GPC5: variants seen among roughly 807,000 people sequenced by gnomAD.
GPC5 encodes glypican 5, also known as glypican-5.
Under a neutral mutation model 53.9 loss-of-function variants are expected in GPC5, and 47 were observed. That is an observed-to-expected ratio of 0.87 (90% confidence interval 0.69 to 1.11). The LOEUF is 1.11. GPC5 is among the 50% of genes most tolerant of loss of function. The pLI is 0.00. For missense variants in GPC5, 748 were observed against 713.1 expected (o/e 1.05, Z -0.56); for synonymous variants, 286 against 263.3 (o/e 1.09, Z -0.84).
chr13:92,628,076 C>T (rs536966793), intron 7 of GPC5, among the ~76,000 whole-genome samples: 1 of 151,994 alleles, frequency 6.6e-6, no homozygotes, highest in African/African-American at 2.4e-5. Context: ...AAATTCATTC[C>T]ACACACCCAA....
intron 5 of GPC5, among the ~76,000 whole-genome samples, chr13:91,906,037 C>T (rs368524967): frequency 1.1e-4 from 17 of 151,966 alleles, no homozygotes; most frequent in Non-Finnish European, 2.5e-4. Flanking sequence ...CCCTCACCCC[C>T]CCTGCCAACG....
intron 7 of GPC5, among the ~76,000 whole-genome samples, chr13:92,458,814 T>C (rs1280498418): frequency 6.6e-6 from 1 of 152,110 alleles, no homozygotes; most frequent in South Asian, 2.1e-4. Context: ...TTCTTTATCA[T>C]CCTTATTACG....
At chr13:92,787,206 T>C (rs1264514493) in intron 7 of GPC5, among the ~76,000 whole-genome samples, 1 of 151,952 alleles carries the variant, frequency 6.6e-6, no homozygotes, top group African/African-American at 2.4e-5. Context: ...AACTGTAGGG[T>C]TGGGAAGATA....
chr13:92,571,239 C>T (rs563587056), intron 7 of GPC5, among the ~76,000 whole-genome samples: 2 of 152,138 alleles, frequency 1.3e-5, no homozygotes, highest in African/African-American at 2.4e-5. Context: ...ATTGTTGCCA[C>T]ATATATGGTT....
intron 7 of GPC5, among the ~76,000 whole-genome samples, chr13:92,760,869 G>A (rs1371795561): frequency 6.6e-6 from 1 of 151,958 alleles, no homozygotes; most frequent in Non-Finnish European, 1.5e-5. Context: ...TTTGTTTCAA[G>A]ATATATTTTA....
chr13:91,974,453 C>A (rs1038000107), intron 6 of GPC5, among the ~76,000 whole-genome samples: 1 of 151,882 alleles, frequency 6.6e-6, no homozygotes, highest in Admixed American at 6.6e-5. Flanking sequence ...ACAAAAATCA[C>A]AAGCATTCTT....
intron 2 of GPC5, among the ~76,000 whole-genome samples, chr13:91,659,309 G>A (rs188944948): frequency 3.9e-5 from 6 of 152,306 alleles, no homozygotes; most frequent in African/African-American, 7.2e-5. Context: ...GGGCAGTAGC[G>A]AAGTGCCCTT....
intron 7 of GPC5, among the ~76,000 whole-genome samples, chr13:92,559,330 ATGTGTG>A (rs5805755): frequency 0.021 from 3,073 of 143,026 alleles, 69 homozygotes; most frequent in African/African-American, 0.061. Flanking sequence ...TAGTGTGTAT[ATGTGTG>A]TGTGTGTGTG....
chr13:92,587,335 G>A (rs1456957901), intron 7 of GPC5, among the ~76,000 whole-genome samples: 1 of 152,038 alleles, frequency 6.6e-6, no homozygotes, highest in Admixed American at 6.6e-5. Flanking sequence ...CAAAGCTCTG[G>A]AGGTACATGG....
intron 7 of GPC5, among the ~76,000 whole-genome samples, chr13:92,259,894 G>A (rs1166925047): frequency 6.6e-6 from 1 of 152,092 alleles, no homozygotes; most frequent in Non-Finnish European, 1.5e-5. Context: ...GCCCATTTGG[G>A]AAGAGTCCAG....
chr13:92,261,247 T>C (rs1362056259), intron 7 of GPC5, among the ~76,000 whole-genome samples: 2 of 152,286 alleles, frequency 1.3e-5, no homozygotes, highest in Non-Finnish European at 2.9e-5. Context: ...TTTCAGTCTT[T>C]GTCAATTTTG....
At position 92,166,956 on chromosome 13, in the gene GPC5, T is replaced by TCA. The variant is rs199854897; in HGVS notation, c.1561+22006_1561+22007dup. ...CTCTCTCTCTCTCTCTCTCTCTCTCTCACACACACACACACACACACACAC... is the reference window on the plus strand; with the variant it reads ...CTCTCTCTCTCTCTCTCTCTCTCTCTCACACACACACACACACACACACACAC... On this transcript the variant is annotated intron_variant, in intron 7 of 7. Transcript: ENST00000377067. 1.9e-3 allele frequency among the ~76,000 whole-genome samples: 161 copies of TCA among 84,796 alleles called. 1 individual carries two copies. The highest frequency in any genetic ancestry group is 0.014 in the East Asian group (21 of 1,494). 55.6% of individuals were successfully genotyped at this position (84,796 alleles called of 152,430 possible).
At chr13:91,709,973 A>C (rs7988707) in intron 3 of GPC5, among the ~76,000 whole-genome samples, 2 of 152,094 alleles carry the variant, frequency 1.3e-5, no homozygotes, top group Non-Finnish European at 2.9e-5. Flanking sequence ...CCCTTGTCAC[A>C]TATCAATCTC....
At chr13:92,251,466 A>G (rs1411823997) in intron 7 of GPC5, among the ~76,000 whole-genome samples, 3 of 151,930 alleles carry the variant, frequency 2.0e-5, no homozygotes, top group Non-Finnish European at 4.4e-5. Context: ...AGCTGTCTTC[A>G]CTCTCAATAT....
chr13:92,095,411 G>A (rs1438197259), intron 6 of GPC5, among the ~76,000 whole-genome samples: 4 of 151,908 alleles, frequency 2.6e-5, no homozygotes, highest in South Asian at 2.1e-4. Flanking sequence ...GTAGTGGCAC[G>A]ATCTTGGCTC....
intron 5 of GPC5, among the ~76,000 whole-genome samples, chr13:91,773,195 C>T (rs757110672): frequency 2.0e-5 from 3 of 152,122 alleles, no homozygotes; most frequent in Non-Finnish European, 4.4e-5. Context: ...AAGCATTGAT[C>T]ACATCCTCCT....
At chr13:92,147,952 G>C (rs1353842287) in intron 7 of GPC5, among the ~76,000 whole-genome samples, 3 of 152,046 alleles carry the variant, frequency 2.0e-5, no homozygotes, top group Non-Finnish European at 2.9e-5. Flanking sequence ...TTAAGGCATA[G>C]TTTTAGATGG....
At chr13:92,579,306 C>CCTCTCTCTCT (rs1566302860) in intron 7 of GPC5, among the ~76,000 whole-genome samples, 3 of 51,148 alleles carry the variant, frequency 5.9e-5, no homozygotes, top group Non-Finnish European at 1.1e-4. Flanking sequence ...TCTCTCCCTC[C>CCTCTCTCTCT]CTCCCTCCCT....
chr13:92,240,854 G>T (rs1318681854), intron 7 of GPC5: 1 of 152,078 alleles, frequency 6.6e-6, no homozygotes, highest in Non-Finnish European at 1.5e-5. Flanking sequence ...GAGACAGAAA[G>T]AGAAAGTTAA....
Sources: allele counts gnomAD v4.1 joint callset (sites outside exome capture counted in the v4.1 genomes callset), GRCh38; gene constraint gnomAD v4.1.1; transcripts MANE v1.5; gene names NCBI Gene and HGNC (gene_info 2026-07-23, HGNC 2026-07-21).